The following SH3PXD2A variants were observed in gnomAD, a reference collection of about 807,000 sequenced individuals.
SH3PXD2A encodes the protein SH3 and PX domains 2A.
SH3PXD2A carries 32 observed loss-of-function variants against 115.2 expected under a neutral mutation model. The ratio of observed to expected loss-of-function variants is 0.28; its 90% CI spans 0.21 to 0.37. SH3PXD2A has a LOEUF of 0.37. SH3PXD2A is among the 10% of genes least tolerant of loss of function. The pLI is 1.00. For missense variants in SH3PXD2A, 1,328 were observed against 1,498.7 expected, an observed-to-expected ratio of 0.89 and a Z score of 1.88; for synonymous variants, 610 against 629.1, an observed-to-expected ratio of 0.97 and a Z score of 0.45.
intron 3 of SH3PXD2A, among the ~76,000 whole-genome samples, chr10:103,749,092 T>C (rs947900573): frequency 6.6e-5 from 10 of 152,302 alleles, no homozygotes; most frequent in African/African-American, 2.4e-4. Context: ...GGTTTCACTA[T>C]GTTAGCCTGG....
intron 2 of SH3PXD2A, among the ~76,000 whole-genome samples, chr10:103,769,576 T>C (rs2038797854): frequency 6.6e-6 from 1 of 151,756 alleles, no homozygotes; most frequent in Admixed American, 6.6e-5. Context: ...AGATTACAGG[T>C]GTGTGCCACC....
intron 5 of SH3PXD2A, among the ~76,000 whole-genome samples, chr10:103,702,585 C>CTGTGTGTGTGTGTGTGTG (rs61568990): frequency 2.8e-3 from 91 of 33,000 alleles, no homozygotes; most frequent in African/African-American, 9.0e-3. Context: ...AGATGTAAGC[C>CTGTGTGTGTGTGTGTGTG]TGTGTGTGTG....
At chr10:103,831,081 T>A (rs1236251921) in intron 1 of SH3PXD2A, among the ~76,000 whole-genome samples, 1 of 152,256 alleles carries the variant, frequency 6.6e-6, no homozygotes, top group Non-Finnish European at 1.5e-5. Context: ...CAAACATATG[T>A]AACCATACAT....
In SH3PXD2A at chr10:103,597,921, C is replaced by A. The variant is rs2036158055; in HGVS notation, c.*3895G>T. Reference sequence around the variant, plus strand: ...TCCCCTTATTAAAAACAAGAACTACCAAACCAAGGTCTAAACTTAAATAGT... The same window carrying A: ...TCCCCTTATTAAAAACAAGAACTACAAAACCAAGGTCTAAACTTAAATAGT... On this transcript the variant is annotated 3_prime_UTR_variant, in exon 15 of 15. Transcript: ENST00000369774. 1 of 152,322 alleles carries A rather than the reference C, an allele frequency of 6.6e-6. No individual in the cohort carries two copies. Among genetic ancestry groups the A allele is most frequent in the South Asian group, 2.1e-4 (1 of 4,820 alleles). 9.4% of individuals were successfully genotyped at this position (152,322 alleles called of 1,614,324 possible).
rs117449364 is a variant in SH3PXD2A, at chr10:103,635,806, C to T, written c.605-8604G>A. 8.9e-4 allele frequency among the ~76,000 whole-genome samples: 135 copies of T among 152,330 alleles called. 4 individuals carry two copies. In the East Asian group the frequency reaches 0.018, roughly 20 times the overall value. On this transcript the variant is annotated intron_variant, in intron 8 of 14. Transcript: ENST00000369774. ...CCAGATGGCAGAGGCCCAGAAAGAA[C>T]GAACATGTAGCCTGGCATTTACAGC... is the stretch of plus-strand genomic sequence containing the variant.
At chr10:103,766,013 A>G (rs965648275) in intron 3 of SH3PXD2A, among the ~76,000 whole-genome samples, 1 of 152,256 alleles carries the variant, frequency 6.6e-6, no homozygotes, top group Admixed American at 6.5e-5. Flanking sequence ...CTCTAGCTAT[A>G]GCATAGGACT....
intron 2 of SH3PXD2A, among the ~76,000 whole-genome samples, chr10:103,791,795 G>C (rs1052700467): frequency 6.6e-6 from 1 of 151,962 alleles, no homozygotes; most frequent in Non-Finnish European, 1.5e-5. Context: ...AACTCCATCT[G>C]CTTAAAGGGG....
intron 8 of SH3PXD2A, among the ~76,000 whole-genome samples, chr10:103,645,049 C>T (rs2134008484): frequency 6.6e-6 from 1 of 152,308 alleles, no homozygotes; most frequent in Non-Finnish European, 1.5e-5. Context: ...AAGCCACTAA[C>T]TTTGTGATGT....
At chr10:103,622,605 G>T in intron 9 of SH3PXD2A, 52 bp from the exon 10 acceptor site, 1 of 952,758 alleles carries the variant, frequency 1.0e-6, no homozygotes, top group South Asian at 1.4e-5. Context: ...CCGGCGGAGA[G>T]AATGGAGATG....
chr10:103,689,621 T>A (rs573790551), intron 6 of SH3PXD2A, among the ~76,000 whole-genome samples: 1 of 151,998 alleles, frequency 6.6e-6, no homozygotes, highest in Non-Finnish European at 1.5e-5. Flanking sequence ...GCTAAGGTCA[T>A]GCCACTGCAC....
intron 1 of SH3PXD2A, among the ~76,000 whole-genome samples, chr10:103,847,967 T>C (rs1415083830): frequency 2.0e-5 from 3 of 150,118 alleles, no homozygotes; most frequent in Admixed American, 6.6e-5. Context: ...CTAAAACAAG[T>C]TCAGAGAGAT....
intron 6 of SH3PXD2A, among the ~76,000 whole-genome samples, chr10:103,681,752 A>ACG (rs1554910409): frequency 2.3e-5 from 3 of 132,080 alleles, no homozygotes; most frequent in East Asian, 2.5e-4. Context: ...ACACACACAC[A>ACG]CGCGCCCGCG....
intron 3 of SH3PXD2A, 136 bp downstream of exon 3, chr10:103,766,958 T>TG (rs2134224342): frequency 1.5e-6 from 1 of 647,408 alleles, no homozygotes; most frequent in Admixed American, 2.5e-5. Flanking sequence ...CCAAATCCCC[T>TG]GGGGGAATTG....
intron 1 of SH3PXD2A, among the ~76,000 whole-genome samples, chr10:103,821,923 A>C (rs963680905): frequency 7.2e-6 from 1 of 138,986 alleles, no homozygotes; most frequent in Non-Finnish European, 1.5e-5. Flanking sequence ...TTTTTTTTTG[A>C]GACAAAGTCT....
At chr10:103,753,421 A>C (rs1486521290) in intron 3 of SH3PXD2A, among the ~76,000 whole-genome samples, 1 of 146,896 alleles carries the variant, frequency 6.8e-6, no homozygotes, top group African/African-American at 2.5e-5. Flanking sequence ...GCTTGAACCC[A>C]GGAGGCAGAG....
At chr10:103,792,432 T>C (rs2039044612) in intron 2 of SH3PXD2A, among the ~76,000 whole-genome samples, 1 of 152,144 alleles carries the variant, frequency 6.6e-6, no homozygotes, top group Non-Finnish European at 1.5e-5. Context: ...CTCTGGCTTT[T>C]TGGAGTTTTA....
chr10:103,767,020 T>C, intron 3 of SH3PXD2A, 74 bp downstream of exon 3: 1 of 1,129,678 alleles, frequency 8.9e-7, no homozygotes, highest in Non-Finnish European at 1.3e-6. Flanking sequence ...TGCTTAGTAC[T>C]CTTCTCGGCC....
At chr10:103,814,355 C>T (rs1169927211) in intron 1 of SH3PXD2A, among the ~76,000 whole-genome samples, 1 of 152,068 alleles carries the variant, frequency 6.6e-6, no homozygotes, top group Non-Finnish European at 1.5e-5. Flanking sequence ...AGCACTCAGC[C>T]CAGAGGAGGT....
intron 1 of SH3PXD2A, among the ~76,000 whole-genome samples, chr10:103,822,950 A>G (rs2039396043): frequency 1.3e-5 from 2 of 152,176 alleles, no homozygotes; most frequent in Admixed American, 6.5e-5. Flanking sequence ...GTTTGGTCAG[A>G]TAGGTGCTGA....
Sources: allele counts gnomAD v4.1 joint callset (sites outside exome capture counted in the v4.1 genomes callset), GRCh38; gene constraint gnomAD v4.1.1; transcripts MANE v1.5; gene names NCBI Gene and HGNC (gene_info 2026-07-23, HGNC 2026-07-21).